The following CYP4F12 variants were observed in gnomAD, a reference collection of about 807,000 sequenced individuals.
The protein encoded by CYP4F12 is cytochrome P450 family 4 subfamily F member 12, also known as cytochrome P450 4F12.
A neutral mutation model predicts 56.5 loss-of-function variants in CYP4F12; 60 were observed. That is an observed-to-expected ratio of 1.06 (90% confidence interval 0.86 to 1.32). The LOEUF (loss-of-function observed/expected upper bound fraction) is 1.32. Ranked by LOEUF, CYP4F12 falls within the 40% of genes most tolerant of loss-of-function variation. The probability of loss-of-function intolerance (pLI) is 0.00; values close to 1 mark genes in which losing one functional copy is unlikely to be tolerated. For missense variants in CYP4F12, 711 were observed against 683.5 expected, an observed-to-expected ratio of 1.04 and a Z score of -0.45; for synonymous variants, 263 against 264.9, an observed-to-expected ratio of 0.99 and a Z score of 0.07.
intron 2 of CYP4F12, 63 bp from the exon 3 acceptor site, chr19:15,678,198 C>G: frequency 6.2e-7 from 1 of 1,602,602 alleles, no homozygotes; most frequent in Non-Finnish European, 8.5e-7. Flanking sequence ...ATCCCTTAGC[C>G]CAGTCTAGTG....
At chr19:15,685,981 T>A (rs1396037046) in intron 9 of CYP4F12, among the ~76,000 whole-genome samples, 2 of 101,202 alleles carry the variant, frequency 2.0e-5, no homozygotes, top group African/African-American at 7.8e-5. Context: ...CCATTGCCAG[T>A]TCTGTTCCCA....
In CYP4F12 at chr19:15,682,501, A is replaced by C. The variant is rs984253140; in HGVS notation, c.638A>C (p.His213Pro). 37 of 1,613,362 alleles carry C rather than the reference A, an allele frequency of 2.3e-5. No individual in the cohort carries two copies. The highest frequency in any genetic ancestry group is 3.1e-5 in the Non-Finnish European group (37 of 1,179,584). ...LQKCIFSFDS[H>P]CQERPSEYIA... ...AAATGCATCTTCAGCTTTGACAGCC[A>C]TTGTCAGGAGTGAGTTCCTTCCTAG... Residue 213 changes from histidine to proline, a missense_variant, in exon 6 of 13, where the codon CAT becomes CCT. Coordinates refer to ENST00000550308, the MANE Select transcript of CYP4F12 (RefSeq NM_023944.4).
chr19:15,685,221 G>A, intron 9 of CYP4F12, 24 bp downstream of exon 9: 2 of 1,609,096 alleles, frequency 1.2e-6, no homozygotes, highest in Non-Finnish European at 1.7e-6. Flanking sequence ...CTTCTGGCCT[G>A]TTCCTGAGCC....
Position 15,696,075 on chromosome 19 carries a change from C to T in CYP4F12, c.1249+6C>T, listed in dbSNP as rs2008120992. The T allele has an allele frequency of 6.2e-7, 1 of 1,612,600 alleles. No individual in the cohort carries two copies. Among genetic ancestry groups the T allele is most frequent in the Admixed American group, 1.7e-5 (1 of 59,786 alleles). On this transcript the variant is annotated splice_donor_region_variant and intron_variant, in intron 10 of 12. Transcript: ENST00000550308. The stretch of plus-strand genomic sequence containing the variant: ...TGGCCGAGTCATCCCCAAAGGTGCC[C>T]ACAGCCTCAGGGGGAGAAGCCTCCC...
chr19:15,677,060 G>GTCATTCCTCTCCTCACTCAC (rs1599946454), intron 2 of CYP4F12, among the ~76,000 whole-genome samples: 6 of 7,622 alleles, frequency 7.9e-4, no homozygotes, highest in East Asian at 7.8e-3. Context: ...CCCTCATTCA[G>GTCATTCCTCTCCTCACTCAC]TCATTCCTGT....
chr19:15,684,978 TC>T (rs1198193778), intron 8 of CYP4F12, 89 bp from the exon 9 acceptor site: 33 of 1,567,784 alleles, frequency 2.1e-5, no homozygotes, highest in Non-Finnish European at 2.8e-5. Flanking sequence ...CTGCCCATCT[TC>T]CCCCTCCCTC....
rs1402563038 is a variant in CYP4F12, at chr19:15,695,939, C to T, written c.1119C>T (p.Asp373=). 2 of 1,612,344 alleles carry T rather than the reference C, an allele frequency of 1.2e-6. No homozygotes were observed. The highest frequency in any genetic ancestry group is 1.7e-6 in the Non-Finnish European group (2 of 1,179,476). The change falls in exon 10 of 13, where the codon GAC becomes GAT. Residue 373 remains aspartate (D), a synonymous_variant. Transcript: ENST00000550308. ...KDRDPKEIEW[D]DLAQLPFLTM... ...TGGGGCTGGGGTGTTTCCTTAGGGA[C>T]GACCTGGCCCAGCTGCCCTTCCTGA...
At chr19:15,682,591 C>A in intron 6 of CYP4F12, 81 bp downstream of exon 6, 1 of 1,581,612 alleles carries the variant, frequency 6.3e-7, no homozygotes, top group South Asian at 1.1e-5. Context: ...AGCAAAGTAA[C>A]CAGAAGTACC....
At chr19:15,687,095 G>A (rs537813411) in intron 9 of CYP4F12, among the ~76,000 whole-genome samples, 1 of 152,248 alleles carries the variant, frequency 6.6e-6, no homozygotes, top group South Asian at 2.1e-4. Flanking sequence ...GGCTAACACG[G>A]TGAAACCCCG....
intron 3 of CYP4F12, 85 bp downstream of exon 3, chr19:15,678,490 C>G: frequency 1.3e-6 from 2 of 1,526,240 alleles, no homozygotes; most frequent in South Asian, 2.4e-5. Flanking sequence ...CTTGAGTACT[C>G]GTGCCCCTCA....
intron 12 of CYP4F12, 105 bp from the exon 13 acceptor site, chr19:15,696,803 T>G: frequency 7.1e-7 from 1 of 1,407,532 alleles, no homozygotes; most frequent in Non-Finnish European, 9.5e-7. Context: ...TCTCTCTCTC[T>G]CAGGCTGAGC....
At chr19:15,673,330 T>G in intron 1 of CYP4F12, 195 bp downstream of exon 1, 1 of 600,172 alleles carries the variant, frequency 1.7e-6, no homozygotes, top group Non-Finnish European at 3.0e-6. Context: ...CCTTTCTGTG[T>G]GGTTACCAGG....
intron 5 of CYP4F12, 25 bp downstream of exon 5, chr19:15,680,544 C>T: frequency 6.2e-7 from 1 of 1,614,006 alleles, no homozygotes; most frequent in Non-Finnish European, 8.5e-7. Flanking sequence ...GTCTGGGTCC[C>T]AGATGGAGTC....
intron 9 of CYP4F12, among the ~76,000 whole-genome samples, chr19:15,690,884 T>G (rs553046580): frequency 2.0e-5 from 3 of 152,348 alleles, no homozygotes; most frequent in African/African-American, 7.2e-5. Flanking sequence ...GTCTGTCTGT[T>G]TACATCTATC....
chr19:15,686,064 T>C (rs578238241), intron 9 of CYP4F12, among the ~76,000 whole-genome samples: 1 of 152,274 alleles, frequency 6.6e-6, no homozygotes, highest in Middle Eastern at 3.4e-3. Flanking sequence ...CCCAGCCTAG[T>C]AGGAACAGTC....
chr19:15,685,343 C>A, intron 9 of CYP4F12, 146 bp downstream of exon 9: 2 of 1,318,456 alleles, frequency 1.5e-6, no homozygotes, highest in Non-Finnish European at 2.0e-6. Flanking sequence ...GGCTTGATAC[C>A]AAGCCTGGCT....
Position 15,673,521 on chromosome 19 carries a change from C to T in CYP4F12, c.-1-8C>T, listed in dbSNP as rs747020284. ...AGGTCCTCACCCTGCATCCCCTCTGCCCTGCAGGATGTCGCTGCTGAGCCT... is the reference window on the plus strand; with the variant it reads ...AGGTCCTCACCCTGCATCCCCTCTGTCCTGCAGGATGTCGCTGCTGAGCCT... On this transcript the variant is annotated splice_polypyrimidine_tract_variant and splice_region_variant and intron_variant, in intron 1 of 12. Transcript: ENST00000550308. The T allele has an allele frequency of 7.4e-6, 12 of 1,612,522 alleles. No homozygotes were observed. In the Admixed American group the frequency reaches 1.8e-4, roughly 25 times the overall value.
chr19:15,694,556 C>T (rs2144765804), intron 9 of CYP4F12, among the ~76,000 whole-genome samples: 1 of 152,258 alleles, frequency 6.6e-6, no homozygotes, highest in African/African-American at 2.4e-5. Flanking sequence ...TGAGACTTTG[C>T]TGAAGTTGCT....
At chr19:15,691,009 CAG>C (rs1453856477) in intron 9 of CYP4F12, among the ~76,000 whole-genome samples, 1 of 152,138 alleles carries the variant, frequency 6.6e-6, no homozygotes, top group Non-Finnish European at 1.5e-5. Flanking sequence ...CTGTGTCTGA[CAG>C]ATATTTTTTC....
Sources: gnomAD v4.1 joint callset for allele counts (sites outside exome capture counted in the v4.1 genomes callset) on GRCh38, gnomAD v4.1.1 for gene constraint, MANE v1.5 for transcripts, NCBI Gene and HGNC (gene_info 2026-07-23, HGNC 2026-07-21) for gene names.